SIM1: variants seen among roughly 807,000 people sequenced by gnomAD.
SIM1 encodes SIM bHLH transcription factor 1.
Under a neutral mutation model 78.2 loss-of-function variants are expected in SIM1, and 18 were observed. The observed-to-expected ratio is 0.23, with a 90% confidence interval of 0.16 to 0.34. The LOEUF (loss-of-function observed/expected upper bound fraction) is 0.34, where lower values mean the gene tolerates loss of function less well. SIM1 is among the 10% of genes least tolerant of loss of function. The pLI, the probability that SIM1 is intolerant of heterozygous loss-of-function variation, is 1.00. For missense variants in SIM1, 939 were observed against 975.1 expected (o/e 0.96, Z 0.49); for synonymous variants, 417 against 385.2 (o/e 1.08, Z -0.97).
rs1332820929 is a variant in SIM1, at chr6:100,386,526, T to C, written c.*3835A>G. ...ATCTTGTATTTCATTTTAAAATATA[T>C]ATGCATATTTTCCAAATGGTCTTGT... On this transcript the variant is annotated 3_prime_UTR_variant, in exon 12 of 12. Transcript: ENST00000369208. The C allele has an allele frequency of 6.6e-6, 1 of 152,020 alleles. No homozygotes were observed. Among genetic ancestry groups the C allele is most frequent in the Non-Finnish European group, 1.5e-5 (1 of 67,926 alleles). The allele number at this position is 152,020 out of a possible 1,614,324, so 9.4% of individuals were successfully genotyped here. A position where few individuals can be genotyped will look rare whatever the true frequency, so the allele number is the denominator to read the frequency against.
At chr6:100,429,583 T>G (rs543047136) in intron 9 of SIM1, among the ~76,000 whole-genome samples, 1 of 152,332 alleles carries the variant, frequency 6.6e-6, no homozygotes, top group South Asian at 2.1e-4. Context: ...CTCTTTGACA[T>G]GTACTGTATA....
intron 8 of SIM1, 102 bp downstream of exon 8, chr6:100,448,044 T>G: frequency 1.1e-6 from 1 of 912,560 alleles, no homozygotes. Flanking sequence ...CTCCCTGGGC[T>G]CCCACCTGTC....
chr6:100,392,335 C>T (rs1232001253), intron 11 of SIM1, among the ~76,000 whole-genome samples: 2 of 152,106 alleles, frequency 1.3e-5, no homozygotes, highest in African/African-American at 4.8e-5. Flanking sequence ...AGAAGAGAAA[C>T]AAGTAGGAAT....
At chr6:100,416,970 A>C (rs1285578733) in intron 10 of SIM1, among the ~76,000 whole-genome samples, 1 of 143,048 alleles carries the variant, frequency 7.0e-6, no homozygotes. Flanking sequence ...CAAAACCTTT[A>C]CTAGTTCTCA....
At chr6:100,398,227 C>T (rs1770815087) in intron 10 of SIM1, among the ~76,000 whole-genome samples, 1 of 152,146 alleles carries the variant, frequency 6.6e-6, no homozygotes, top group African/African-American at 2.4e-5. Context: ...CCTCCCTCCA[C>T]TTCCAAGTCC....
At chr6:100,405,130 G>A (rs1367053757) in intron 10 of SIM1, among the ~76,000 whole-genome samples, 1 of 151,634 alleles carries the variant, frequency 6.6e-6, no homozygotes, top group Non-Finnish European at 1.5e-5. Flanking sequence ...ATGATTTCTA[G>A]ACAAGTCTCA....
At chr6:100,458,006 T>TTCTCTC (rs71028024) in intron 2 of SIM1, among the ~76,000 whole-genome samples, 14 of 90,288 alleles carry the variant, frequency 1.6e-4, no homozygotes, top group Admixed American at 4.9e-4. Context: ...GTCTCTCTCT[T>TTCTCTC]TCTCTCTCTC....
Position 100,412,636 on chromosome 6 carries a change from GAAA to G in SIM1, c.1167+8151_1167+8153del, listed in dbSNP as rs200619301. On this transcript the variant is annotated intron_variant, in intron 10 of 11. Coordinates refer to ENST00000369208, the MANE Select transcript of SIM1 (RefSeq NM_005068.3). ...GGAAAGAAAGAAGGAAAGAAAGAAA[GAAA>G]AGAAAGAAAGAAAGAAAGAGAGAGA... 4.0e-3 allele frequency among the ~76,000 whole-genome samples: 300 copies of G among 75,804 alleles called. 14 individuals carry two copies. Among genetic ancestry groups the G allele is most frequent in the African/African-American group, 0.013 (286 of 21,746 alleles). The allele number at this position is 75,804 out of a possible 152,430, so 49.7% of individuals were successfully genotyped here. A position where few individuals can be genotyped will look rare whatever the true frequency, so the allele number is the denominator to read the frequency against.
At chr6:100,435,418 C>T (rs1772018012) in intron 9 of SIM1, among the ~76,000 whole-genome samples, 1 of 152,162 alleles carries the variant, frequency 6.6e-6, no homozygotes, top group African/African-American at 2.4e-5. Context: ...GGTTGGTATG[C>T]TCGCTGGACC....
chr6:100,398,419 C>T (rs1227686162), intron 10 of SIM1, among the ~76,000 whole-genome samples: 2 of 152,112 alleles, frequency 1.3e-5, no homozygotes, highest in South Asian at 2.1e-4. Context: ...ACCCATTAAA[C>T]AATAACTCCC....
chr6:100,390,190 C>T lies in SIM1; in HGVS notation c.*171G>A. ...TTTAGCTCCCTTTTCTGTGTATAAC[C>T]CTGAATGCTAGTGCTATGTTTTCTT... On this transcript the variant is annotated 3_prime_UTR_variant, in exon 12 of 12. Transcript: ENST00000369208. 1 of 695,772 alleles carries T rather than the reference C, an allele frequency of 1.4e-6. No homozygotes were observed. 43.1% of individuals were successfully genotyped at this position (695,772 alleles called of 1,614,324 possible). A position where few individuals can be genotyped will look rare whatever the true frequency, so the allele number is the denominator to read the frequency against.
chr6:100,393,939 T>C, intron 10 of SIM1, 50 bp from the exon 11 acceptor site: 1 of 1,503,332 alleles, frequency 6.7e-7, no homozygotes, highest in Non-Finnish European at 8.9e-7. Flanking sequence ...AATCGATCAG[T>C]AAGAGAAAAC....
intron 9 of SIM1, among the ~76,000 whole-genome samples, chr6:100,429,584 G>A (rs562432177): frequency 2.4e-4 from 36 of 152,150 alleles, no homozygotes; most frequent in Middle Eastern, 6.8e-3. Context: ...TCTTTGACAT[G>A]TACTGTATAT....
intron 10 of SIM1, among the ~76,000 whole-genome samples, chr6:100,417,088 T>C (rs904908850): frequency 1.3e-5 from 2 of 151,978 alleles, no homozygotes; most frequent in Non-Finnish European, 2.9e-5. Context: ...ACACCAACCC[T>C]CCTCCACTCC....
Position 100,448,230 on chromosome 6 carries a change from C to G in SIM1, c.766G>C (p.Glu256Gln). Residue 256 changes from glutamate to glutamine, a missense_variant, in exon 8 of 12, where the codon GAA (glutamate) becomes CAA (glutamine). By Grantham distance (29) the Glu-to-Gln change is conservative (BLOSUM62 2). Transcript: ENST00000369208. ...DSRVAELTGY[E>Q]PQDLIEKTLY... The stretch of plus-strand genomic sequence containing the variant: ...GTCTTCTCAATCAGGTCCTGAGGTT[C>G]GTACCCCGTCAGCTCCGCCACCCTG... The G allele has an allele frequency of 6.2e-7, 1 of 1,613,446 alleles. No homozygotes were observed. The highest frequency in any genetic ancestry group is 8.5e-7 in the Non-Finnish European group (1 of 1,179,798).
At chr6:100,423,926 A>G (rs1771657828) in intron 9 of SIM1, among the ~76,000 whole-genome samples, 1 of 152,118 alleles carries the variant, frequency 6.6e-6, no homozygotes, top group Admixed American at 6.5e-5. Flanking sequence ...GACAGTAAGA[A>G]TTGTGCACCC....
chr6:100,433,256 G>C (rs1212441644), intron 9 of SIM1, among the ~76,000 whole-genome samples: 1 of 152,166 alleles, frequency 6.6e-6, no homozygotes, highest in African/African-American at 2.4e-5. Flanking sequence ...AAGGCGATCT[G>C]GCCCTGCCTA....
At chr6:100,453,895 C>G in intron 2 of SIM1, 51 bp from the exon 3 acceptor site, 1 of 1,414,200 alleles carries the variant, frequency 7.1e-7, no homozygotes, top group South Asian at 1.2e-5. Context: ...ACCTGACAGG[C>G]AGTTTGGGAC....
intron 10 of SIM1, among the ~76,000 whole-genome samples, chr6:100,419,887 C>A (rs1390763146): frequency 6.6e-6 from 1 of 152,140 alleles, no homozygotes; most frequent in East Asian, 1.9e-4. Flanking sequence ...AGTGATCCCC[C>A]ACCTCGACCT....
Sources: allele counts gnomAD v4.1 joint callset (sites outside exome capture counted in the v4.1 genomes callset), GRCh38; gene constraint gnomAD v4.1.1; transcripts MANE v1.5; gene names NCBI Gene and HGNC (gene_info 2026-07-23, HGNC 2026-07-21).